The following CGNL1 variants were observed in gnomAD, a reference collection of about 807,000 sequenced individuals.
The protein encoded by CGNL1 is cingulin-like protein 1.
A neutral mutation model predicts 141.2 loss-of-function variants in CGNL1; 132 were observed. The observed-to-expected ratio is 0.93, with a 90% CI of 0.81 to 1.08. CGNL1 has a LOEUF of 1.08. Among genes scored for constraint, CGNL1 ranks in the 50% least tolerant of loss-of-function variants. The pLI is 0.00. For missense variants in CGNL1, 1,870 were observed against 1,588.6 expected (o/e 1.18, Z -3.01); for synonymous variants, 690 against 622.1 (o/e 1.11, Z -1.63).
intron 7 of CGNL1, among the ~76,000 whole-genome samples, chr15:57,460,297 G>A (rs930399601): frequency 6.6e-6 from 1 of 152,196 alleles, no homozygotes; most frequent in African/African-American, 2.4e-5. Context: ...TGTCTTGGTA[G>A]AGCAGGGACA....
chr15:57,433,956 C>A (rs1429388896), intron 1 of CGNL1, among the ~76,000 whole-genome samples: 2 of 152,212 alleles, frequency 1.3e-5, no homozygotes, highest in Non-Finnish European at 2.9e-5. Flanking sequence ...TTGACACTCA[C>A]CAACTAATAG....
rs1280394 is a variant in CGNL1, at chr15:57,439,070, T to A, written c.1071T>A (p.Ile357=). The change falls in exon 2 of 19, where the codon ATT becomes ATA. Residue 357 remains isoleucine, a synonymous_variant. Coordinates refer to ENST00000281282, the MANE Select transcript of CGNL1 (RefSeq NM_032866.5). The part of the protein sequence containing the change: ...TGSIPGVDQL[I]EKFDQKPGLQ... ...CAATTCCTGGTGTGGATCAGTTAAT[T>A]GAAAAATTTGATCAAAAACCTGGGC... 3,052 of 1,614,038 alleles carry A rather than the reference T, an allele frequency of 1.9e-3. 50 individuals carry two copies. In the African/African-American group the frequency reaches 0.036, roughly 19 times the overall value.
intron 4 of CGNL1, among the ~76,000 whole-genome samples, chr15:57,444,388 G>T (rs1312159136): frequency 3.9e-5 from 6 of 152,140 alleles, no homozygotes; most frequent in Non-Finnish European, 7.3e-5. Flanking sequence ...GAACATTATT[G>T]TACTTGTTTG....
intron 1 of CGNL1, among the ~76,000 whole-genome samples, chr15:57,431,665 A>G (rs2063046450): frequency 6.6e-6 from 1 of 152,232 alleles, no homozygotes; most frequent in African/African-American, 2.4e-5. Context: ...CCTGTGGCCC[A>G]GGATGGCTTT....
rs1258172977 is a variant in CGNL1 at position 57,451,549 on chromosome 15, A to G, written c.1853A>G (p.Lys618Arg). 1.2e-6 allele frequency: 2 copies of G among 1,613,370 alleles called. No individual in the cohort carries two copies. Among genetic ancestry groups the G allele is most frequent in the South Asian group, 2.2e-5 (2 of 90,902 alleles). The change falls in exon 5 of 19, where the codon AAG becomes AGG. Residue 618 changes from lysine to arginine, a missense_variant. Transcript: ENST00000281282. ...AAAGATCTATTGGAACAGAAAAGCA[A>G]GTTGACCATAGAAGTGGCTGAACTT... Reference protein sequence around the residue: ...EVKDLLEQKSKLTIEVAELQR... With the variant: ...EVKDLLEQKSRLTIEVAELQR...
rs375618841 is a variant in CGNL1 at position 57,392,155 on chromosome 15, G to A, written c.-16+15588G>A. 2.9e-4 allele frequency among the ~76,000 whole-genome samples: 44 copies of A among 152,212 alleles called. No homozygotes were observed. In the South Asian group the frequency reaches 8.7e-3, roughly 30 times the overall value. ...TTTCCATTTCATGCCCTTCTTGGCT[G>A]TTTGAATTTTATAAATATCACTGCA... On this transcript the variant is annotated intron_variant, in intron 1 of 18. Transcript: ENST00000281282.
intron 8 of CGNL1, among the ~76,000 whole-genome samples, chr15:57,474,496 G>A (rs1285239864): frequency 4.6e-5 from 7 of 152,002 alleles, no homozygotes; most frequent in African/African-American, 7.2e-5. Flanking sequence ...CCTTCATATC[G>A]TCAGTACTTT....
intron 8 of CGNL1, among the ~76,000 whole-genome samples, chr15:57,469,658 T>C (rs2063555138): frequency 6.6e-6 from 1 of 152,226 alleles, no homozygotes; most frequent in South Asian, 2.1e-4. Flanking sequence ...TATTTTATAT[T>C]GTCTAACCCT....
chr15:57,534,783 G>A (rs541623449), intron 14 of CGNL1, among the ~76,000 whole-genome samples: 22 of 152,274 alleles, frequency 1.4e-4, no homozygotes, highest in African/African-American at 5.1e-4. Flanking sequence ...TAATAACATC[G>A]GCCCTGCCTT....
intron 1 of CGNL1, among the ~76,000 whole-genome samples, chr15:57,433,973 C>T (rs1324483546): frequency 2.3e-5 from 3 of 131,826 alleles, no homozygotes; most frequent in South Asian, 2.9e-4. Flanking sequence ...ATAGTCTTCT[C>T]CACACTTGCA....
rs1567127045 is a variant in CGNL1 at position 57,452,181 on chromosome 15, C to G, written c.1946C>G (p.Ala649Gly). The G allele has an allele frequency of 8.7e-6, 14 of 1,613,602 alleles. No individual in the cohort carries two copies. The highest frequency in any genetic ancestry group is 1.2e-5 in the Non-Finnish European group (14 of 1,179,850). ...AAAGAAGAGAGAGAGAGGATGAGAG[C>G]AAACCTAGAAGAGCTCCGAAGCCAA... ...NIKEERERMRANLEELRSQHN... is the reference protein window; with the variant it reads ...NIKEERERMRGNLEELRSQHN... The change falls in exon 6 of 19, where the codon GCA becomes GGA. Residue 649 changes from alanine (A) to glycine (G), a missense_variant. Coordinates refer to ENST00000281282, the MANE Select transcript of CGNL1 (RefSeq NM_032866.5).
chr15:57,442,876 C>T (rs1351750298), intron 4 of CGNL1, among the ~76,000 whole-genome samples: 5 of 152,206 alleles, frequency 3.3e-5, no homozygotes, highest in African/African-American at 1.2e-4. Flanking sequence ...ACGTTGGCCT[C>T]CCAAAGTGCT....
At chr15:57,434,819 A>G (rs1365058253) in intron 1 of CGNL1, among the ~76,000 whole-genome samples, 1 of 152,216 alleles carries the variant, frequency 6.6e-6, no homozygotes, top group Non-Finnish European at 1.5e-5. Context: ...GAATAAAGAC[A>G]TTTTTCAAAA....
At chr15:57,479,046 C>G (rs1401209180) in intron 8 of CGNL1, among the ~76,000 whole-genome samples, 1 of 152,164 alleles carries the variant, frequency 6.6e-6, no homozygotes, top group Non-Finnish European at 1.5e-5. Flanking sequence ...ACTGCAGAAG[C>G]CCACTTGCCA....
intron 1 of CGNL1, among the ~76,000 whole-genome samples, chr15:57,378,242 T>C (rs1043953149): frequency 1.3e-5 from 2 of 152,190 alleles, no homozygotes; most frequent in Non-Finnish European, 2.9e-5. Context: ...TCTCCGGGGA[T>C]CTTGGTTAAT....
intron 4 of CGNL1, among the ~76,000 whole-genome samples, chr15:57,443,092 T>C (rs1567121355): frequency 6.6e-6 from 1 of 152,188 alleles, no homozygotes; most frequent in Non-Finnish European, 1.5e-5. Context: ...GGACCCAAGC[T>C]CTGGAGCTTC....
At position 57,439,364 on chromosome 15, in the gene CGNL1, A is replaced by G. The variant is rs539747881; in HGVS notation, c.1365A>G (p.Ser455=). The G allele has an allele frequency of 1.2e-6, 2 of 1,614,150 alleles. No homozygotes were observed. Among genetic ancestry groups the G allele is most frequent in the Admixed American group, 1.7e-5 (1 of 60,022 alleles). Reference sequence around the variant, plus strand: ...TGCAGGGAGCAGCGCACGGGGCTTCATGTGCCCACTCCAGGCCTCCCCAGC... The same window carrying G: ...TGCAGGGAGCAGCGCACGGGGCTTCGTGTGCCCACTCCAGGCCTCCCCAGC... The part of the protein sequence containing the change: ...AKLQGAAHGA[S]CAHSRPPQPN... Residue 455 remains serine (S), a synonymous_variant, in exon 2 of 19, where the codon TCA becomes TCG. Coordinates refer to ENST00000281282, the MANE Select transcript of CGNL1 (RefSeq NM_032866.5).
chr15:57,445,685 C>G (rs1156367961), intron 4 of CGNL1, among the ~76,000 whole-genome samples: 1 of 152,114 alleles, frequency 6.6e-6, no homozygotes, highest in African/African-American at 2.4e-5. Context: ...GTACCTCATT[C>G]CAAGTTTATC....
intron 1 of CGNL1, among the ~76,000 whole-genome samples, chr15:57,414,734 C>T (rs1216577074): frequency 6.6e-6 from 1 of 152,160 alleles, no homozygotes; most frequent in African/African-American, 2.4e-5. Context: ...TCTCATCCAC[C>T]CTACAATCAA....
Sources: allele counts gnomAD v4.1 joint callset (sites outside exome capture counted in the v4.1 genomes callset), GRCh38; gene constraint gnomAD v4.1.1; transcripts MANE v1.5; gene names NCBI Gene and HGNC (gene_info 2026-07-23, HGNC 2026-07-21).